APIP: variants seen among roughly 807,000 people sequenced by gnomAD.
APIP encodes the protein methylthioribulose-1-phosphate dehydratase.
A neutral mutation model predicts 32.0 loss-of-function variants in APIP; 32 were observed. The observed-to-expected ratio is 1.00, with a 90% CI of 0.76 to 1.34. The LOEUF (loss-of-function observed/expected upper bound fraction) is 1.34, where lower values mean the gene tolerates loss of function less well. APIP is among the 40% of genes most tolerant of loss of function. The pLI is 0.00. For synonymous variants in APIP, 92 were observed against 94.8 expected, an observed-to-expected ratio of 0.97 and a Z score of 0.17; for missense variants, 247 against 298.6, an observed-to-expected ratio of 0.83 and a Z score of 1.27.
At chr11:34,889,335 T>C (rs1473946687) in intron 3 of APIP, among the ~76,000 whole-genome samples, 1 of 152,014 alleles carries the variant, frequency 6.6e-6, no homozygotes, top group Non-Finnish European at 1.5e-5. Flanking sequence ...AAAATTTTTT[T>C]CCCCACATTT....
chr11:34,908,815 C>T (rs1045575387), intron 1 of APIP, among the ~76,000 whole-genome samples: 1 of 152,104 alleles, frequency 6.6e-6, no homozygotes, highest in African/African-American at 2.4e-5. Context: ...AGAAAGAATG[C>T]TTAGTAGCTG....
At chr11:34,899,632 G>A (rs939009394) in intron 1 of APIP, among the ~76,000 whole-genome samples, 2 of 152,146 alleles carry the variant, frequency 1.3e-5, no homozygotes, top group Non-Finnish European at 2.9e-5. Context: ...TTTTAGGGAG[G>A]TACACAGGTC....
rs764971293 is a variant in APIP, at chr11:34,916,319, C to G, written c.-35G>C. 14 of 1,608,684 alleles carry G rather than the reference C, an allele frequency of 8.7e-6. No homozygotes were observed. The highest frequency in any genetic ancestry group is 1.1e-5 in the Non-Finnish European group (13 of 1,177,826). On this transcript the variant is annotated 5_prime_UTR_variant, in exon 1 of 7. Coordinates refer to ENST00000395787, the MANE Select transcript of APIP (RefSeq NM_015957.4). ...CAGGGACCCGCGCGGCCTCCAATCT[C>G]CGCACGGCTTTGCGCGCGGCGCTTA...
chr11:34,896,936 A>G (rs2133912932), intron 1 of APIP: 1 of 582,752 alleles, frequency 1.7e-6, no homozygotes, highest in South Asian at 1.7e-5. Flanking sequence ...TGGAGACCCC[A>G]CTGAGGTCTA....
At chr11:34,884,820 T>C (rs1261837730) in intron 5 of APIP, among the ~76,000 whole-genome samples, 4 of 152,146 alleles carry the variant, frequency 2.6e-5, no homozygotes, top group African/African-American at 9.7e-5. Flanking sequence ...AAACATATTT[T>C]TCTCTAGCAT....
In APIP at chr11:34,888,703, G is replaced by A. The variant is rs755188467; in HGVS notation, c.325+49C>T. On this transcript the variant is annotated intron_variant, in intron 4 of 6. Coordinates refer to ENST00000395787, the MANE Select transcript of APIP (RefSeq NM_015957.4). Reference sequence around the variant, plus strand: ...GAAATAATAATTACCATTATTTAGAGGAGCCTACTCTGCAAATATTCTTTA... The same window carrying A: ...GAAATAATAATTACCATTATTTAGAAGAGCCTACTCTGCAAATATTCTTTA... 6 of 1,350,012 alleles carry A rather than the reference G, an allele frequency of 4.4e-6. No individual in the cohort carries two copies. The South Asian group carries it at 8.4e-5, about 19-fold the overall frequency. 83.6% of individuals were successfully genotyped at this position (1,350,012 alleles called of 1,614,324 possible).
chr11:34,893,924 TCC>T (rs1469332409), intron 2 of APIP, among the ~76,000 whole-genome samples: 2 of 152,166 alleles, frequency 1.3e-5, no homozygotes, highest in East Asian at 3.8e-4. Context: ...ATTTTAATAA[TCC>T]AATTTTGTTA....
chr11:34,886,329 A>G (rs931236168), intron 5 of APIP, among the ~76,000 whole-genome samples: 47 of 152,108 alleles, frequency 3.1e-4, no homozygotes, highest in African/African-American at 1.1e-3. Context: ...TTAAAAAGTT[A>G]AAAAAAATTA....
At chr11:34,897,916 A>G (rs1853304879) in intron 1 of APIP, among the ~76,000 whole-genome samples, 1 of 152,088 alleles carries the variant, frequency 6.6e-6, no homozygotes, top group South Asian at 2.1e-4. Flanking sequence ...CTCCTAATAG[A>G]ACCGACTGTT....
Position 34,888,848 on chromosome 11 carries a change from CACAA to C in APIP, c.225_228del (p.Cys76IlefsTer2), listed in dbSNP as rs778796827. The stretch of plus-strand genomic sequence containing the variant: ...CCACTTATGTCCTTTTCATTTATAT[CACAA>C]ACAAACATGTCTTCAGGCTATTTAT... On this transcript the variant is annotated frameshift_variant, in exon 4 of 7. Coordinates refer to ENST00000395787, the MANE Select transcript of APIP (RefSeq NM_015957.4). LOFTEE classifies it high-confidence loss of function. 1.3e-6 allele frequency: 2 copies of C among 1,490,868 alleles called. No individual in the cohort carries two copies. Among genetic ancestry groups the C allele is most frequent in the Admixed American group, 2.8e-5 (1 of 35,718 alleles). The allele number at this position is 1,490,868 out of a possible 1,614,324, so 92.4% of individuals were successfully genotyped here.
intron 2 of APIP, among the ~76,000 whole-genome samples, chr11:34,892,550 T>C (rs1853200669): frequency 6.6e-6 from 1 of 152,172 alleles, no homozygotes; most frequent in South Asian, 2.1e-4. Context: ...CCTGTCAATA[T>C]TACTCTGTGA....
intron 5 of APIP, among the ~76,000 whole-genome samples, chr11:34,884,500 G>T (rs1853025098): frequency 6.6e-6 from 1 of 152,138 alleles, no homozygotes; most frequent in Admixed American, 6.6e-5. Flanking sequence ...CAAGGCAGAT[G>T]GACTGTTTGA....
At chr11:34,914,495 A>G (rs1853619792) in intron 1 of APIP, among the ~76,000 whole-genome samples, 1 of 152,196 alleles carries the variant, frequency 6.6e-6, no homozygotes, top group African/African-American at 2.4e-5. Flanking sequence ...GTATTTGTAC[A>G]AAACCAGACA....
chr11:34,909,779 GAGA>G (rs747501733), intron 1 of APIP, among the ~76,000 whole-genome samples: 1 of 152,192 alleles, frequency 6.6e-6, no homozygotes, highest in Non-Finnish European at 1.5e-5. Flanking sequence ...GAGACACGGG[GAGA>G]AGGAGAGAAA....
At chr11:34,890,246 T>C (rs980306246) in intron 3 of APIP, among the ~76,000 whole-genome samples, 3 of 152,148 alleles carry the variant, frequency 2.0e-5, no homozygotes, top group Admixed American at 6.5e-5. Flanking sequence ...AAAGTTATAA[T>C]TGCTCTTTAC....
intron 1 of APIP, among the ~76,000 whole-genome samples, chr11:34,910,031 ACAGT>A (rs1431058619): frequency 6.6e-6 from 1 of 152,208 alleles, no homozygotes; most frequent in African/African-American, 2.4e-5. Flanking sequence ...AAGGTATAAA[ACAGT>A]CATCTTTGGG....
chr11:34,915,159 C>G (rs1424288030), intron 1 of APIP, among the ~76,000 whole-genome samples: 1 of 151,878 alleles, frequency 6.6e-6, no homozygotes, highest in African/African-American at 2.4e-5. Context: ...CTCTTTGATG[C>G]TCATTCTGAT....
chr11:34,895,084 G>T lies in APIP; in HGVS notation c.84C>A (p.Ile28=), dbSNP rs770919303. Residue 28 remains isoleucine (I), a synonymous_variant, in exon 2 of 7, where the codon ATC becomes ATA. Transcript: ENST00000395787. ...AQDKEHPRYL[I]PELCKQFYHL... is the part of the protein sequence containing the mutation. ...GGTAAAACTGTTTGCAAAGTTCTGG[G>T]ATCAGGTATCTTGGATGCTCCTTGT... 1.2e-6 allele frequency: 2 copies of T among 1,614,044 alleles called. No individual in the cohort carries two copies. The highest frequency in any genetic ancestry group is 2.2e-5 in the South Asian group (2 of 91,078).
chr11:34,891,745 T>C (rs1051213068), intron 2 of APIP, among the ~76,000 whole-genome samples: 1 of 152,220 alleles, frequency 6.6e-6, no homozygotes, highest in African/African-American at 2.4e-5. Context: ...AAGTGGCTAT[T>C]GTTTCCGAGT....
Sources: allele counts gnomAD v4.1 joint callset (sites outside exome capture counted in the v4.1 genomes callset), GRCh38; gene constraint gnomAD v4.1.1; transcripts MANE v1.5; gene names NCBI Gene and HGNC (gene_info 2026-07-23, HGNC 2026-07-21).